The following NALF1 variants were observed in gnomAD, a reference collection of about 807,000 sequenced individuals.
NALF1 encodes NALCN channel auxiliary factor 1.
NALF1 carries 3 observed loss-of-function variants against 48.4 expected under a neutral mutation model. The observed-to-expected ratio is 0.06, with a 90% CI of 0.03 to 0.16. NALF1 has a LOEUF of 0.16. Among genes scored for constraint, NALF1 ranks in the 10% least tolerant of loss-of-function variants. The probability of loss-of-function intolerance (pLI) is 1.00; values close to 1 mark genes in which losing one functional copy is unlikely to be tolerated. For missense variants in NALF1, 526 were observed against 571.5 expected (o/e 0.92, Z 0.81); for synonymous variants, 262 against 245.7 (o/e 1.07, Z -0.62).
At chr13:107,450,492 T>C (rs1188711971) in intron 1 of NALF1, among the ~76,000 whole-genome samples, 1 of 152,146 alleles carries the variant, frequency 6.6e-6, no homozygotes, top group Non-Finnish European at 1.5e-5. Context: ...GAAAACCAAC[T>C]GCAGGAGGAT....
chr13:107,272,734 G>A (rs575810431), intron 1 of NALF1, among the ~76,000 whole-genome samples: 12 of 152,216 alleles, frequency 7.9e-5, no homozygotes, highest in Admixed American at 2.6e-4. Flanking sequence ...CCATCCAAAG[G>A]TAGTATTCAT....
At chr13:107,578,973 T>C (rs1878226763) in intron 1 of NALF1, among the ~76,000 whole-genome samples, 1 of 152,194 alleles carries the variant, frequency 6.6e-6, no homozygotes, top group Non-Finnish European at 1.5e-5. Context: ...ATTTCTACCA[T>C]ATTCCTTCTC....
intron 2 of NALF1, among the ~76,000 whole-genome samples, chr13:107,185,393 T>G (rs1030796171): frequency 1.6e-5 from 1 of 61,562 alleles, no homozygotes; most frequent in African/African-American, 6.0e-5. Flanking sequence ...CCCCCGCCCC[T>G]CCCTGCATGC....
intron 1 of NALF1, among the ~76,000 whole-genome samples, chr13:107,551,545 T>C (rs1877293722): frequency 6.6e-6 from 1 of 152,182 alleles, no homozygotes; most frequent in Non-Finnish European, 1.5e-5. Flanking sequence ...TTAAATAGAA[T>C]ATTACATCGA....
chr13:107,704,492 T>G (rs1393076728), intron 1 of NALF1, among the ~76,000 whole-genome samples: 3 of 152,186 alleles, frequency 2.0e-5, no homozygotes, highest in Non-Finnish European at 4.4e-5. Flanking sequence ...TCAGCTATTG[T>G]GTACTTAACC....
chr13:107,421,663 C>T (rs552031418), intron 1 of NALF1, among the ~76,000 whole-genome samples: 1 of 152,192 alleles, frequency 6.6e-6, no homozygotes, highest in South Asian at 2.1e-4. Context: ...TATAATGATG[C>T]CTCCTTACCC....
At chr13:107,803,908 T>C (rs1566488164) in intron 1 of NALF1, among the ~76,000 whole-genome samples, 1 of 152,168 alleles carries the variant, frequency 6.6e-6, no homozygotes, top group South Asian at 2.1e-4. Context: ...AGTCAGTCCA[T>C]GCACCATGGA....
chr13:107,529,370 T>C (rs530436875), intron 1 of NALF1, among the ~76,000 whole-genome samples: 183 of 152,254 alleles, frequency 1.2e-3, no homozygotes, highest in Non-Finnish European at 2.1e-3. Context: ...TGAGTAGCAA[T>C]TGGGTAGGCA....
In NALF1 at chr13:107,573,621, T is replaced by C. The variant is rs1878051357; in HGVS notation, c.915+292061A>G. ...TTTAGCTACTCTTTCCTTGATATGATTTGGTTGTGTCCCCACCCAAAACTC... is the reference window on the plus strand; with the variant it reads ...TTTAGCTACTCTTTCCTTGATATGACTTGGTTGTGTCCCCACCCAAAACTC... On this transcript the variant is annotated intron_variant, in intron 1 of 2. Transcript: ENST00000375915. Among the ~76,000 whole-genome samples the C allele has an allele frequency of 5.3e-5, 8 of 152,278 alleles. 1 individual carries two copies. Among genetic ancestry groups the C allele is most frequent in the Admixed American group, 2.0e-4 (3 of 15,292 alleles).
chr13:107,634,815 C>T (rs1172730615), intron 1 of NALF1, among the ~76,000 whole-genome samples: 1 of 152,062 alleles, frequency 6.6e-6, no homozygotes, highest in Non-Finnish European at 1.5e-5. Flanking sequence ...GTGTTGATGT[C>T]ACATGCTATA....
chr13:107,299,369 G>A (rs1233662350), intron 1 of NALF1, among the ~76,000 whole-genome samples: 10 of 151,164 alleles, frequency 6.6e-5, no homozygotes, highest in Non-Finnish European at 1.2e-4. Context: ...CCCAGGAGGC[G>A]GAGGTAGCAG....
chr13:107,402,845 A>C (rs887413168), intron 1 of NALF1, among the ~76,000 whole-genome samples: 5 of 152,168 alleles, frequency 3.3e-5, no homozygotes, highest in African/African-American at 1.2e-4. Flanking sequence ...GTCTGAAATT[A>C]CCACTATTAA....
At chr13:107,834,169 T>A (rs560470922) in intron 1 of NALF1, among the ~76,000 whole-genome samples, 1 of 152,358 alleles carries the variant, frequency 6.6e-6, no homozygotes, top group South Asian at 2.1e-4. Flanking sequence ...GATGATTTAA[T>A]GTACATGGGA....
At chr13:107,285,375 C>T (rs1205877747) in intron 1 of NALF1, among the ~76,000 whole-genome samples, 1 of 152,216 alleles carries the variant, frequency 6.6e-6, no homozygotes, top group Non-Finnish European at 1.5e-5. Flanking sequence ...TGCCCTAGGG[C>T]TTGCATAGAG....
intron 1 of NALF1, among the ~76,000 whole-genome samples, chr13:107,575,352 C>T (rs1566399648): frequency 6.6e-6 from 1 of 152,036 alleles, no homozygotes. Flanking sequence ...AGTGAGTTGC[C>T]CAAAGTCAAT....
intron 1 of NALF1, among the ~76,000 whole-genome samples, chr13:107,641,135 T>TA (rs1251595502): frequency 2.0e-5 from 3 of 152,162 alleles, no homozygotes; most frequent in African/African-American, 7.2e-5. Context: ...GTGATTATGT[T>TA]AAGTGAACTA....
rs373236783 is a variant in NALF1 at position 107,692,070 on chromosome 13, C to T, written c.915+173612G>A. On this transcript the variant is annotated intron_variant, in intron 1 of 2. Coordinates refer to ENST00000375915, the MANE Select transcript of NALF1 (RefSeq NM_001080396.3). ...AAAATCTTACGGACAAATGAGAATA[C>T]GACTCACCACATCAACCATAATTAC... is the stretch of plus-strand genomic sequence containing the variant. Among the ~76,000 whole-genome samples, 6 of 152,146 alleles carry T rather than the reference C, an allele frequency of 3.9e-5. No homozygotes were observed. The East Asian group carries it at 5.8e-4, about 15-fold the overall frequency.
At chr13:107,307,827 T>C (rs1318282102) in intron 1 of NALF1, among the ~76,000 whole-genome samples, 2 of 152,138 alleles carry the variant, frequency 1.3e-5, no homozygotes, top group African/African-American at 2.4e-5. Flanking sequence ...AATGGTTTTG[T>C]GACTAATTGC....
rs573456235 is a variant in NALF1, at chr13:107,608,728, G to A, written c.915+256954C>T. On this transcript the variant is annotated intron_variant, in intron 1 of 2. Transcript: ENST00000375915. ...AAAAACATATGATTGTGTTGACTCC[G>A]AAAAAAATAGAATTCATCCCCAAGG... Among the ~76,000 whole-genome samples, 27 of 152,258 alleles carry A rather than the reference G, an allele frequency of 1.8e-4. No homozygotes were observed. The South Asian group carries it at 1.9e-3, about 11-fold the overall frequency.
Sources: allele counts gnomAD v4.1 joint callset (sites outside exome capture counted in the v4.1 genomes callset), GRCh38; gene constraint gnomAD v4.1.1; transcripts MANE v1.5; gene names NCBI Gene and HGNC (gene_info 2026-07-23, HGNC 2026-07-21).